Variants in ACO1 observed in about 807,000 individuals in gnomAD.
ACO1 encodes the protein cytoplasmic aconitate hydratase.
ACO1 carries 78 observed loss-of-function variants against 105.1 expected under a neutral mutation model. The observed-to-expected ratio is 0.74, with a 90% CI of 0.62 to 0.90. ACO1 has a LOEUF of 0.90. Ranked by LOEUF, ACO1 falls within the 40% of genes least tolerant of loss-of-function variation. The pLI, the probability that ACO1 is intolerant of heterozygous loss-of-function variation, is 0.00. For missense variants in ACO1, 965 were observed against 1,111.1 expected, an observed-to-expected ratio of 0.87 and a Z score of 1.87; for synonymous variants, 364 against 397.4, an observed-to-expected ratio of 0.92 and a Z score of 1.00.
intron 4 of ACO1, among the ~76,000 whole-genome samples, chr9:32,413,482 CA>C (rs35294620): frequency 0.033 from 4,344 of 132,550 alleles, 194 homozygotes; most frequent in African/African-American, 0.11. Flanking sequence ...GACTCTATCT[CA>C]AAAAAAAAAA....
At chr9:32,448,799 C>A (rs149365244) in intron 19 of ACO1, 97 bp from the exon 20 acceptor site, 5 of 1,297,896 alleles carry the variant, frequency 3.9e-6, no homozygotes, top group Non-Finnish European at 5.6e-6. Context: ...TGTTCCTATT[C>A]GGCCATCATG....
Position 32,397,483 on chromosome 9 carries a change from A to T in ACO1, c.-22-8002A>T, listed in dbSNP as rs1821397272. Among the ~76,000 whole-genome samples the T allele has an allele frequency of 1.3e-5, 2 of 152,238 alleles. 1 individual carries two copies. The highest frequency in any genetic ancestry group is 2.9e-5 in the Non-Finnish European group (2 of 68,042). ...GCTCTCTTATGAAAGAACCCAGTTGACAAGCCTTGGTGATATTGCTGGCCA... is the reference window on the plus strand; with the variant it reads ...GCTCTCTTATGAAAGAACCCAGTTGTCAAGCCTTGGTGATATTGCTGGCCA... On this transcript the variant is annotated intron_variant, in intron 1 of 20. Coordinates refer to ENST00000309951, the MANE Select transcript of ACO1 (RefSeq NM_002197.3).
At chr9:32,424,699 AACTCT>A in intron 10 of ACO1, 34 bp downstream of exon 10, 1 of 1,405,460 alleles carries the variant, frequency 7.1e-7, no homozygotes, top group Non-Finnish European at 1.0e-6. Context: ...GAATCCTCTC[AACTCT>A]ACCTCTTGCC....
At position 32,431,701 on chromosome 9, in the gene ACO1, T is replaced by C. The variant is rs376971949; in HGVS notation, c.1727-18T>C. ...GCATATTAGAAAGTTTTCTCATTAA[T>C]AAACATTTTTTCCCCAGGAGTAAAT... On this transcript the variant is annotated intron_variant, in intron 14 of 20. Transcript: ENST00000309951. 8 of 1,613,460 alleles carry C rather than the reference T, an allele frequency of 5.0e-6. No homozygotes were observed. The highest frequency in any genetic ancestry group is 6.8e-6 in the Non-Finnish European group (8 of 1,179,772).
intron 7 of ACO1, among the ~76,000 whole-genome samples, chr9:32,420,350 C>T (rs913729020): frequency 9.2e-5 from 14 of 152,226 alleles, no homozygotes; most frequent in African/African-American, 2.7e-4. Flanking sequence ...CTTCCAGACG[C>T]TTCCAATGAT....
chr9:32,391,781 GAT>G (rs1273099132), intron 1 of ACO1, among the ~76,000 whole-genome samples: 1 of 152,202 alleles, frequency 6.6e-6, no homozygotes, highest in Non-Finnish European at 1.5e-5. Context: ...CCTCCTACAT[GAT>G]TACCAGGTTT....
intron 1 of ACO1, among the ~76,000 whole-genome samples, chr9:32,388,267 G>A (rs1046287790): frequency 2.6e-5 from 4 of 152,216 alleles, no homozygotes; most frequent in African/African-American, 4.8e-5. Flanking sequence ...CCCAGGCACC[G>A]TGGCTTACGC....
chr9:32,434,057 C>T (rs550073922), intron 16 of ACO1, among the ~76,000 whole-genome samples: 12 of 152,240 alleles, frequency 7.9e-5, no homozygotes, highest in African/African-American at 2.9e-4. Context: ...CACAGCCACC[C>T]TAGTAATCAC....
intron 17 of ACO1, chr9:32,436,000 C>T (rs533098168): frequency 5.2e-4 from 336 of 641,126 alleles, no homozygotes; most frequent in Non-Finnish European, 8.1e-4. Context: ...ATTTTTCTAA[C>T]CAGATTTGAA....
At chr9:32,435,511 A>G (rs979959893) in intron 17 of ACO1, among the ~76,000 whole-genome samples, 1 of 152,206 alleles carries the variant, frequency 6.6e-6, no homozygotes, top group Non-Finnish European at 1.5e-5. Flanking sequence ...CTTAAATTCT[A>G]TCTAACCATT....
At position 32,436,398 on chromosome 9, in the gene ACO1, G is replaced by A. The variant is rs1311929033; in HGVS notation, c.2247+1G>A. 6.8e-6 allele frequency: 11 copies of A among 1,613,702 alleles called. No homozygotes were observed. The highest frequency in any genetic ancestry group is 1.7e-4 in the Middle Eastern group (1 of 6,054). Reference sequence around the variant, plus strand: ...TATCCATCTGCCTTCTGGGGAAATCGTGAGTATTGTCTTCTGCTTCCTGCA... The same window carrying A: ...TATCCATCTGCCTTCTGGGGAAATCATGAGTATTGTCTTCTGCTTCCTGCA... On this transcript the variant is annotated splice_donor_variant, in intron 18 of 20. Transcript: ENST00000309951. LOFTEE classifies it high-confidence loss of function.
chr9:32,430,444 A>G lies in ACO1; in HGVS notation c.1596A>G (p.Leu532=), dbSNP rs776856731. ...TQGDLVAVGV[L]SGNRNFEGRV... ...GAGACCTTGTAGCTGTTGGAGTACT[A>G]TCTGGAAACAGGAATTTTGAAGGTC... is the stretch of plus-strand genomic sequence containing the variant. Residue 532 remains leucine, a synonymous_variant, in exon 14 of 21, where the codon CTA becomes CTG. Coordinates refer to ENST00000309951, the MANE Select transcript of ACO1 (RefSeq NM_002197.3). 3 of 1,612,430 alleles carry G rather than the reference A, an allele frequency of 1.9e-6. No individual in the cohort carries two copies. In the East Asian group the frequency reaches 6.7e-5, roughly 36 times the overall value.
chr9:32,400,168 A>G (rs1282118678), intron 1 of ACO1, among the ~76,000 whole-genome samples: 1 of 151,498 alleles, frequency 6.6e-6, no homozygotes, highest in African/African-American at 2.4e-5. Flanking sequence ...ATAGGGTTTC[A>G]CCACCTTGGC....
chr9:32,401,408 A>C (rs7851054), intron 1 of ACO1, among the ~76,000 whole-genome samples: 150,737 of 151,054 alleles, frequency 1, 75,211 homozygotes, highest in Middle Eastern at 1. Flanking sequence ...TTTTCTGGTT[A>C]TCCCACTAAT....
chr9:32,432,469 G>A (rs976775891), intron 15 of ACO1, among the ~76,000 whole-genome samples: 1 of 152,154 alleles, frequency 6.6e-6, no homozygotes, highest in East Asian at 1.9e-4. Context: ...GGTGATGTAG[G>A]TGTGATGTTC....
At chr9:32,419,273 T>C in intron 7 of ACO1, 96 bp downstream of exon 7, 6 of 1,333,820 alleles carry the variant, frequency 4.5e-6, no homozygotes, top group South Asian at 1.9e-5. Context: ...GGTTTCCAAG[T>C]GCTCTAGCAA....
intron 11 of ACO1, among the ~76,000 whole-genome samples, 192 bp downstream of exon 11, chr9:32,426,189 T>A (rs1017266693): frequency 5.9e-5 from 9 of 152,226 alleles, no homozygotes; most frequent in Non-Finnish European, 1.5e-5. Context: ...TAAAATCGAA[T>A]GCACACTGCA....
chr9:32,450,046 G>A lies in ACO1; in HGVS notation c.2605G>A (p.Val869Met), dbSNP rs1214870158. 6.2e-7 allele frequency: 1 copy of A among 1,614,010 alleles called. No individual in the cohort carries two copies. Among genetic ancestry groups the A allele is most frequent in the Non-Finnish European group, 8.5e-7 (1 of 1,180,038 alleles). The part of the protein sequence containing the change: ...FQAVMRFDTD[V>M]ELTYFLNGGI... ...GGCTGTCATGAGGTTTGACACTGAT[G>A]TGGAGCTCACTTATTTCCTCAACGG... Residue 869 changes from valine to methionine, a missense_variant, in exon 21 of 21, where the codon GTG becomes ATG. Val to Met is a conservative substitution (Grantham distance 21, BLOSUM62 1). Transcript: ENST00000309951.
intron 6 of ACO1, among the ~76,000 whole-genome samples, chr9:32,418,717 G>A (rs1227665370): frequency 6.6e-6 from 1 of 152,136 alleles, no homozygotes; most frequent in Non-Finnish European, 1.5e-5. Context: ...ATGAACAGAA[G>A]CAAGGGGTTA....
Sources: gnomAD v4.1 joint callset for allele counts (sites outside exome capture counted in the v4.1 genomes callset) on GRCh38, gnomAD v4.1.1 for gene constraint, MANE v1.5 for transcripts, NCBI Gene and HGNC (gene_info 2026-07-23, HGNC 2026-07-21) for gene names.